The following WDFY3 variants were observed in gnomAD, a reference collection of about 807,000 sequenced individuals.
The protein encoded by WDFY3 is WD repeat and FYVE domain-containing protein 3.
WDFY3 carries 66 observed loss-of-function variants against 409.6 expected under a neutral mutation model. The ratio of observed to expected loss-of-function variants is 0.16; its 90% confidence interval spans 0.13 to 0.20. WDFY3 has a LOEUF of 0.20. Ranked by LOEUF, WDFY3 falls within the 10% of genes least tolerant of loss-of-function variation. WDFY3 has a pLI of 1.00. For missense variants in WDFY3, 3,031 were observed against 4,298.1 expected (o/e 0.71, Z 8.24); for synonymous variants, 1,521 against 1,537.1 (o/e 0.99, Z 0.25).
chr4:84,926,414 T>C (rs934493912), intron 2 of WDFY3, among the ~76,000 whole-genome samples: 1 of 151,966 alleles, frequency 6.6e-6, no homozygotes, highest in African/African-American at 2.4e-5. Context: ...ATCCCAAAAC[T>C]CTATTTAGTA....
At chr4:84,937,339 C>G (rs1458233310) in intron 1 of WDFY3, among the ~76,000 whole-genome samples, 1 of 152,106 alleles carries the variant, frequency 6.6e-6, no homozygotes, top group Non-Finnish European at 1.5e-5. Flanking sequence ...TCTCATCGAC[C>G]TCTCCTTGTC....
Position 84,836,960 on chromosome 4 carries a change from C to T in WDFY3, c.545G>A (p.Arg182His), listed in dbSNP as rs1479796074. 5 of 1,585,200 alleles carry T rather than the reference C, an allele frequency of 3.2e-6. No homozygotes were observed. The highest frequency in any genetic ancestry group is 3.4e-6 in the Non-Finnish European group (4 of 1,165,902). The change falls in exon 7 of 68, where the codon CGT becomes CAT. Residue 182 changes from arginine to histidine, a missense_variant. Physicochemically the swap from Arg to His is conservative, Grantham distance 29. Transcript: ENST00000295888. The stretch of plus-strand genomic sequence containing the variant: ...AAAAACTTTCTGGAGTAGTCCTCGA[C>T]GTTCTGCTAGAGGTAGCTCATTCTG... ...GAQNELPLAE[R>H]RGLLQKVFVQ...
At chr4:84,790,804 T>C (rs1170640226) in intron 21 of WDFY3, among the ~76,000 whole-genome samples, 1 of 152,112 alleles carries the variant, frequency 6.6e-6, no homozygotes, top group African/African-American at 2.4e-5. Context: ...AGAACTTGAA[T>C]AGACATTTCT....
At chr4:84,894,584 C>T (rs1419427367) in intron 3 of WDFY3, among the ~76,000 whole-genome samples, 4 of 151,912 alleles carry the variant, frequency 2.6e-5, no homozygotes, top group Admixed American at 2.6e-4. Context: ...GTCAGGAGTT[C>T]GAGAGCAGCC....
intron 5 of WDFY3, among the ~76,000 whole-genome samples, chr4:84,841,867 A>T (rs7695054): frequency 0.29 from 44,206 of 151,986 alleles, 6,659 homozygotes; most frequent in East Asian, 0.44. Flanking sequence ...TACTAAGACT[A>T]TTAATCTAGT....
chr4:84,850,681 G>A (rs1758789071), intron 4 of WDFY3, among the ~76,000 whole-genome samples: 2 of 151,976 alleles, frequency 1.3e-5, no homozygotes, highest in South Asian at 4.1e-4. Context: ...CTTTGATGGA[G>A]TACAGGCACA....
intron 54 of WDFY3, 117 bp from the exon 55 acceptor site, chr4:84,704,561 A>T: frequency 1.7e-5 from 12 of 690,144 alleles, no homozygotes; most frequent in Middle Eastern, 3.9e-4. Flanking sequence ...ACTAAATGCA[A>T]TTAGTACTGG....
intron 62 of WDFY3, among the ~76,000 whole-genome samples, chr4:84,685,134 A>G (rs1429065732): frequency 6.6e-6 from 1 of 152,234 alleles, no homozygotes; most frequent in Non-Finnish European, 1.5e-5. Flanking sequence ...TATTACCTTT[A>G]GAAAAGACCT....
chr4:84,684,459 C>A (rs1727962974), intron 62 of WDFY3, among the ~76,000 whole-genome samples: 1 of 152,162 alleles, frequency 6.6e-6, no homozygotes, highest in Non-Finnish European at 1.5e-5. Flanking sequence ...AAGAACTACT[C>A]TTCTTCCTCC....
intron 39 of WDFY3, 97 bp downstream of exon 39, chr4:84,740,090 G>A (rs766087858): frequency 1.1e-4 from 129 of 1,198,954 alleles, no homozygotes; most frequent in Non-Finnish European, 1.5e-4. Context: ...AACAGAGTAA[G>A]GGTAAAAGAA....
rs150659628 is a variant in WDFY3, at chr4:84,944,281, C to T, written c.-225-11918G>A. 8.3e-3 allele frequency among the ~76,000 whole-genome samples: 1,255 copies of T among 151,652 alleles called. 14 individuals carry two copies. Among genetic ancestry groups the T allele is most frequent in the African/African-American group, 0.029 (1,179 of 41,326 alleles). ...GGCTCATGCCTGTAATCCCAGAACT[C>T]TGGGAGGCTGAGGGGGATGGATCAC... is the stretch of plus-strand genomic sequence containing the variant. On this transcript the variant is annotated intron_variant, in intron 1 of 67. Transcript: ENST00000295888.
chr4:84,677,151 C>A (rs758222232), intron 67 of WDFY3, 48 bp downstream of exon 67: 8 of 1,606,594 alleles, frequency 5.0e-6, no homozygotes, highest in Non-Finnish European at 6.8e-6. Context: ...AATTAACAAC[C>A]TTAGAGCTTA....
Position 84,819,499 on chromosome 4 carries a change from T to C in WDFY3, c.1693+586A>G, listed in dbSNP as rs6531776. The stretch of plus-strand genomic sequence containing the variant: ...CTGAACTTATTACCTGAGAGTTGTT[T>C]GATGTTAATTAAAATCTCAAGTAAT... On this transcript the variant is annotated intron_variant, in intron 12 of 67. Transcript: ENST00000295888. 2.8e-3 allele frequency among the ~76,000 whole-genome samples: 423 copies of C among 152,204 alleles called. 3 individuals carry two copies. Among genetic ancestry groups the C allele is most frequent in the African/African-American group, 9.6e-3 (397 of 41,544 alleles).
intron 32 of WDFY3, among the ~76,000 whole-genome samples, chr4:84,761,993 G>C (rs920452558): frequency 1.4e-4 from 22 of 152,202 alleles, no homozygotes; most frequent in South Asian, 6.2e-4. Context: ...GGAGAAATAG[G>C]AACACTTTTA....
chr4:84,688,338 C>G, intron 61 of WDFY3, 73 bp from the exon 62 acceptor site: 2 of 1,473,362 alleles, frequency 1.4e-6, no homozygotes, highest in Non-Finnish European at 1.8e-6. Flanking sequence ...CCAGAAGCTC[C>G]TGGATGCATC....
chr4:84,922,594 C>T (rs1157933947), intron 2 of WDFY3, among the ~76,000 whole-genome samples: 1 of 152,002 alleles, frequency 6.6e-6, no homozygotes, highest in African/African-American at 2.4e-5. Context: ...ATATGGCCAA[C>T]AGTACAGGAA....
intron 6 of WDFY3, among the ~76,000 whole-genome samples, chr4:84,839,450 C>T (rs1757031523): frequency 6.6e-6 from 1 of 152,086 alleles, no homozygotes; most frequent in Non-Finnish European, 1.5e-5. Flanking sequence ...AACCAACCCT[C>T]TCCATTTGCC....
At chr4:84,869,338 T>C (rs1761863454) in intron 3 of WDFY3, among the ~76,000 whole-genome samples, 1 of 152,208 alleles carries the variant, frequency 6.6e-6, no homozygotes, top group East Asian at 1.9e-4. Flanking sequence ...GGTGAGACTA[T>C]ATTTAATTCT....
At chr4:84,879,479 C>T (rs1050094612) in intron 3 of WDFY3, 2 of 152,128 alleles carry the variant, frequency 1.3e-5, no homozygotes, top group African/African-American at 4.8e-5. Flanking sequence ...CTTGTCACCA[C>T]AGCAATTGAA....
Sources: allele counts gnomAD v4.1 joint callset (sites outside exome capture counted in the v4.1 genomes callset), GRCh38; gene constraint gnomAD v4.1.1; transcripts MANE v1.5; gene names NCBI Gene and HGNC (gene_info 2026-07-23, HGNC 2026-07-21).